The following C19orf44 variants were observed in gnomAD, a reference collection of about 807,000 sequenced individuals.
The protein encoded by C19orf44 is uncharacterized protein C19orf44.
Under a neutral mutation model 50.7 loss-of-function variants are expected in C19orf44, and 43 were observed. The ratio of observed to expected loss-of-function variants is 0.85; its 90% CI spans 0.66 to 1.09. C19orf44 has a LOEUF of 1.09. Ranked by LOEUF, C19orf44 falls within the 50% of genes least tolerant of loss-of-function variation. The probability of loss-of-function intolerance (pLI) is 0.00; values close to 1 mark genes in which losing one functional copy is unlikely to be tolerated. For missense variants in C19orf44, 722 were observed against 836.2 expected (o/e 0.86, Z 1.68); for synonymous variants, 298 against 334.7 (o/e 0.89, Z 1.20).
chr19:16,501,219 G>A lies in C19orf44; in HGVS notation c.427G>A (p.Ala143Thr), dbSNP rs771573597. ...RILSGGALELASQNTDKTSQN... is the reference protein window; with the variant it reads ...RILSGGALELTSQNTDKTSQN... ...CCTCTCTGGGGGTGCACTCGAACTC[G>A]CGTCCCAGAACACAGACAAAACTTC... Residue 143 changes from alanine to threonine, a missense_variant, in exon 2 of 9, where the codon GCG (alanine) becomes ACG (threonine). Coordinates refer to ENST00000221671, the MANE Select transcript of C19orf44 (RefSeq NM_032207.4). 11 of 1,614,104 alleles carry A rather than the reference G, an allele frequency of 6.8e-6. No homozygotes were observed. Among genetic ancestry groups the A allele is most frequent in the East Asian group, 2.2e-5 (1 of 44,888 alleles).
At chr19:16,502,966 A>G (rs1447453246) in intron 2 of C19orf44, 99 bp from the exon 3 acceptor site, 19 of 1,154,230 alleles carry the variant, frequency 1.6e-5, no homozygotes, top group Non-Finnish European at 2.3e-5. Flanking sequence ...CAGCCTAGGC[A>G]ACAGAGTGAG....
chr19:16,517,363 G>A (rs1191301076), intron 8 of C19orf44, 22 bp downstream of exon 8: 2 of 1,504,554 alleles, frequency 1.3e-6, no homozygotes, highest in Non-Finnish European at 1.8e-6. Context: ...TGTGTACTCA[G>A]TGCACACACA....
At position 16,498,060 on chromosome 19, in the gene C19orf44, T is replaced by C. The variant is rs144915637; in HGVS notation, c.-2+1595T>C. Reference sequence around the variant, plus strand: ...AGGTCGAGGCTGTAGTGAGCCATGATAACACCACTGCACTCAGCCTGGGCA... The same window carrying C: ...AGGTCGAGGCTGTAGTGAGCCATGACAACACCACTGCACTCAGCCTGGGCA... On this transcript the variant is annotated intron_variant, in intron 1 of 8. Transcript: ENST00000221671. Among the ~76,000 whole-genome samples, 56 of 152,108 alleles carry C rather than the reference T, an allele frequency of 3.7e-4. No individual in the cohort carries two copies. The East Asian group carries it at 0.01, about 28-fold the overall frequency.
rs748606852 is a variant in C19orf44, at chr19:16,500,949, A to G, written c.157A>G (p.Arg53Gly). ...ACCTGGTCATAGCAGATTTCTAAAAAGAAACCAAACTCTAGATGAGAAACA... is the reference window on the plus strand; with the variant it reads ...ACCTGGTCATAGCAGATTTCTAAAAGGAAACCAAACTCTAGATGAGAAACA... ...IAPGHSRFLK[R>G]NQTLDEKHLL... The change falls in exon 2 of 9, where the codon AGA (arginine) becomes GGA (glycine). Residue 53 changes from arginine to glycine, a missense_variant. By Grantham distance (125) the Arg-to-Gly change is moderately radical. Transcript: ENST00000221671. The G allele has an allele frequency of 1.2e-6, 2 of 1,613,824 alleles. No individual in the cohort carries two copies. Among genetic ancestry groups the G allele is most frequent in the Non-Finnish European group, 1.7e-6 (2 of 1,179,978 alleles).
At position 16,520,401 on chromosome 19, in the gene C19orf44, G is replaced by T. The variant is rs747697426; in HGVS notation, c.*348G>T. The T allele has an allele frequency of 1.9e-6, 3 of 1,613,982 alleles. No homozygotes were observed. ...CGGGAGTAGGAACGGGAGCAGGAGC[G>T]CGACCTTGACCTTGAGTACGAGCCT... On this transcript the variant is annotated 3_prime_UTR_variant, in exon 9 of 9. Transcript: ENST00000221671. The surrounding 1 kb of genome is among the most constrained non-coding windows in gnomAD (Gnocchi z 4.0).
intron 1 of C19orf44, among the ~76,000 whole-genome samples, chr19:16,500,305 C>T (rs2093421288): frequency 6.6e-6 from 1 of 151,896 alleles, no homozygotes; most frequent in Non-Finnish European, 1.5e-5. Flanking sequence ...TCGATTTTCA[C>T]ACGTCACCTT....
intron 2 of C19orf44, among the ~76,000 whole-genome samples, chr19:16,502,424 G>A (rs1286877589): frequency 6.6e-6 from 1 of 151,330 alleles, no homozygotes; most frequent in Non-Finnish European, 1.5e-5. Context: ...TTTTAGTAGA[G>A]ATGGGGTTTC....
chr19:16,513,037 C>A lies in C19orf44; in HGVS notation c.1663C>A (p.Pro555Thr). 6.2e-7 allele frequency: 1 copy of A among 1,613,396 alleles called. No homozygotes were observed. Among genetic ancestry groups the A allele is most frequent in the South Asian group, 1.1e-5 (1 of 91,070 alleles). The change falls in exon 6 of 9, where the codon CCT becomes ACT. Residue 555 changes from proline (P) to threonine (T), a missense_variant. Pro to Thr is a conservative substitution (Grantham distance 38). Coordinates refer to ENST00000221671, the MANE Select transcript of C19orf44 (RefSeq NM_032207.4). ...TKVASMAAMG[P>T]ALGGAYVDPT... ...AGTGGCCAGCATGGCAGCCATGGGG[C>A]CTGCCCTGGGAGGCGCCTACGTGGA...
chr19:16,516,711 G>A (rs1350203861), intron 7 of C19orf44, among the ~76,000 whole-genome samples: 1 of 152,180 alleles, frequency 6.6e-6, no homozygotes, highest in Admixed American at 6.5e-5. Flanking sequence ...GCCCCGGGAC[G>A]CTGCTTTGGA....
intron 4 of C19orf44, among the ~76,000 whole-genome samples, chr19:16,508,967 C>T (rs1309346481): frequency 1.3e-5 from 2 of 152,096 alleles, no homozygotes; most frequent in South Asian, 2.1e-4. Context: ...ATTACAGATA[C>T]GTGCCACCAT....
intron 3 of C19orf44, among the ~76,000 whole-genome samples, chr19:16,505,127 T>C (rs1462929395): frequency 1.3e-5 from 2 of 152,072 alleles, no homozygotes; most frequent in Middle Eastern, 3.4e-3. Context: ...GTCAGGCTGG[T>C]CTTGAACTCC....
At chr19:16,500,459 A>T (rs1362210313) in intron 1 of C19orf44, among the ~76,000 whole-genome samples, 1 of 151,018 alleles carries the variant, frequency 6.6e-6, no homozygotes, top group East Asian at 2.0e-4. Flanking sequence ...CAGGAGGCTG[A>T]GGCAGGAGGA....
intron 6 of C19orf44, among the ~76,000 whole-genome samples, 195 bp downstream of exon 6, chr19:16,513,304 C>A (rs556711086): frequency 1.3e-5 from 2 of 152,288 alleles, no homozygotes; most frequent in Non-Finnish European, 2.9e-5. Context: ...CCTTCTGTCT[C>A]TTGCAAAGAG....
At position 16,506,766 on chromosome 19, in the gene C19orf44, G is replaced by A. The variant is rs764719485; in HGVS notation, c.1141G>A (p.Glu381Lys). Reference protein sequence around the residue: ...APAVSENSDLEQEEESAQRQK... With the variant: ...APAVSENSDLKQEEESAQRQK... ...AGCTGTCAGTGAGAACTCCGATTTG[G>A]AACAGGAAGTAAGTACAACAAAGTC... is the stretch of plus-strand genomic sequence containing the variant. Residue 381 changes from glutamate (E) to lysine (K), a missense_variant, in exon 4 of 9, where the codon GAA (glutamate) becomes AAA (lysine). Physicochemically the swap from Glu to Lys is moderately conservative, Grantham distance 56 (BLOSUM62 1). Transcript: ENST00000221671. The A allele has an allele frequency of 1.9e-6, 3 of 1,602,016 alleles. No homozygotes were observed. Among genetic ancestry groups the A allele is most frequent in the South Asian group, 1.1e-5 (1 of 88,484 alleles).
rs1291843760 is a variant in C19orf44 at position 16,519,572 on chromosome 19, C to T, written c.*41-522C>T. The T allele has an allele frequency of 1.3e-6, 2 of 1,526,878 alleles. No homozygotes were observed. The highest frequency in any genetic ancestry group is 1.8e-6 in the Non-Finnish European group (2 of 1,101,696). The allele number at this position is 1,526,878 out of a possible 1,614,324, so 94.6% of individuals were successfully genotyped here. On this transcript the variant is annotated intron_variant, in intron 8 of 8. Coordinates refer to ENST00000221671, the MANE Select transcript of C19orf44 (RefSeq NM_032207.4). This position sits in a 1 kb window ranked among gnomAD's most constrained non-coding sequence, Gnocchi z 6.0. The stretch of plus-strand genomic sequence containing the variant: ...AGAAAGCGCTGGTGACTCCCGGGCC[C>T]AGCACGCGTGAGGACCCATCCCGCG...
intron 5 of C19orf44, among the ~76,000 whole-genome samples, chr19:16,510,374 C>CTGGG (rs2093453721): frequency 6.6e-6 from 1 of 152,094 alleles, no homozygotes; most frequent in South Asian, 2.1e-4. Flanking sequence ...GCACTCCAGC[C>CTGGG]TGGGTGACAG....
Position 16,519,248 on chromosome 19 carries a change from C to T in C19orf44, c.*41-846C>T, listed in dbSNP as rs769777301. The stretch of plus-strand genomic sequence containing the variant: ...TTCTCATAGGGGTCATCCAGAGCCA[C>T]GCCCACGCCTTTATACTGGTCCCAC... On this transcript the variant is annotated intron_variant, in intron 8 of 8. Coordinates refer to ENST00000221671, the MANE Select transcript of C19orf44 (RefSeq NM_032207.4). The surrounding 1 kb of genome is among the most constrained non-coding windows in gnomAD (Gnocchi z 6.0). The T allele has an allele frequency of 1.1e-5, 17 of 1,614,058 alleles. No individual in the cohort carries two copies. Among genetic ancestry groups the T allele is most frequent in the South Asian group, 2.2e-5 (2 of 91,084 alleles).
chr19:16,508,986 A>G (rs1275269976), intron 4 of C19orf44, among the ~76,000 whole-genome samples: 1 of 151,910 alleles, frequency 6.6e-6, no homozygotes, highest in African/African-American at 2.4e-5. Flanking sequence ...ATGTCTGGCT[A>G]ATTTTGTATT....
rs920792376 is a variant in C19orf44 at position 16,519,345 on chromosome 19, G to A, written c.*41-749G>A. On this transcript the variant is annotated intron_variant, in intron 8 of 8. Coordinates refer to ENST00000221671, the MANE Select transcript of C19orf44 (RefSeq NM_032207.4). This position sits in a 1 kb window ranked among gnomAD's most constrained non-coding sequence, Gnocchi z 6.0. ...CCTTCGCACCGAGGCCGCCTGAGCC[G>A]CTCCAGCCTGGAAACAGAGACGCAG... The A allele has an allele frequency of 4.0e-5, 65 of 1,610,286 alleles. 1 individual carries two copies. The East Asian group carries it at 1.3e-3, about 33-fold the overall frequency.
Sources: allele counts gnomAD v4.1 joint callset (sites outside exome capture counted in the v4.1 genomes callset), GRCh38; gene constraint gnomAD v4.1.1; non-coding constraint Gnocchi (gnomAD v3.1); transcripts MANE v1.5; gene names NCBI Gene and HGNC (gene_info 2026-07-23, HGNC 2026-07-21).